ITGB1BP1: variants seen among roughly 807,000 people sequenced by gnomAD.
The protein encoded by ITGB1BP1 is integrin beta-1-binding protein 1.
A neutral mutation model predicts 28.0 loss-of-function variants in ITGB1BP1; 20 were observed. The ratio of observed to expected loss-of-function variants is 0.71; its 90% CI spans 0.50 to 1.04. ITGB1BP1 has a LOEUF of 1.04. ITGB1BP1 is among the 50% of genes least tolerant of loss of function. ITGB1BP1 has a pLI of 0.00. For missense variants in ITGB1BP1, 228 were observed against 242.5 expected (o/e 0.94, Z 0.40); for synonymous variants, 103 against 89.5 (o/e 1.15, Z -0.85).
At chr2:9,420,795 T>C (rs1371278935) in intron 1 of ITGB1BP1, among the ~76,000 whole-genome samples, 3 of 152,250 alleles carry the variant, frequency 2.0e-5, no homozygotes, top group Non-Finnish European at 1.5e-5. Flanking sequence ...TGTGATCTTC[T>C]GGAATGGAGG....
At chr2:9,422,879 C>T (rs1680066071) in intron 1 of ITGB1BP1, 17 of 985,852 alleles carry the variant, frequency 1.7e-5, no homozygotes, top group Non-Finnish European at 2.0e-5. Context: ...TGCCCAGGGT[C>T]ACCAGAGTAA....
At position 9,407,563 on chromosome 2, in the gene ITGB1BP1, G is replaced by T. The variant is rs1289996903; in HGVS notation, c.417C>A (p.Ile139=). The T allele has an allele frequency of 6.8e-6, 11 of 1,614,036 alleles. No homozygotes were observed. The highest frequency in any genetic ancestry group is 4.5e-5 in the East Asian group (2 of 44,896). Residue 139 remains isoleucine, a synonymous_variant, in exon 6 of 7, where the codon ATC becomes ATA. Transcript: ENST00000355346. The part of the protein sequence containing the change: ...VLHRHALYLI[I]RMVCYDDGLG... ...GACCGTCATCGTAACACACCATCCG[G>T]ATTATTAAGTAGAGAGCATGCCTGT...
chr2:9,407,398 GGGT>G, intron 6 of ITGB1BP1, 48 bp downstream of exon 6: 1 of 1,600,318 alleles, frequency 6.2e-7, no homozygotes, highest in Non-Finnish European at 8.6e-7. Flanking sequence ...AGTAGTCCCT[GGGT>G]GTTGCGACTT....
In ITGB1BP1 at chr2:9,414,172, A is replaced by T. The variant is rs1264224833; in HGVS notation, c.151+6T>A. 1 of 1,611,870 alleles carries T rather than the reference A, an allele frequency of 6.2e-7. No individual in the cohort carries two copies. On this transcript the variant is annotated splice_donor_region_variant and intron_variant, in intron 3 of 6. Coordinates refer to ENST00000355346, the MANE Select transcript of ITGB1BP1 (RefSeq NM_004763.5). ...AGACAATCAATGATCCAACCCTTTT[A>T]TGTACCTGAGCTTTTGGTGGAATCT...
chr2:9,407,099 G>A (rs1351565748), intron 6 of ITGB1BP1, 194 bp from the exon 7 acceptor site: 5 of 609,014 alleles, frequency 8.2e-6, no homozygotes, highest in African/African-American at 1.8e-5. Context: ...TCCTTCAGAG[G>A]AAAGCAAACA....
chr2:9,423,515 G>C lies in ITGB1BP1; in HGVS notation c.-178C>G. The stretch of plus-strand genomic sequence containing the variant: ...CTCCTGCCCACGTCCGCCGGGCCGC[G>C]CCTCCAAGACTATGCGCAGGCGCAG... On this transcript the variant is annotated 5_prime_UTR_variant, in exon 1 of 7. Coordinates refer to ENST00000355346, the MANE Select transcript of ITGB1BP1 (RefSeq NM_004763.5). The C allele has an allele frequency of 8.5e-7, 1 of 1,176,806 alleles. No individual in the cohort carries two copies. Among genetic ancestry groups the C allele is most frequent in the Non-Finnish European group, 1.1e-6 (1 of 917,806 alleles). 72.9% of individuals were successfully genotyped at this position (1,176,806 alleles called of 1,614,324 possible).
chr2:9,417,720 G>A (rs1339154511), intron 2 of ITGB1BP1, among the ~76,000 whole-genome samples: 1 of 152,116 alleles, frequency 6.6e-6, no homozygotes, highest in Admixed American at 6.5e-5. Flanking sequence ...TGCCCGGCCT[G>A]AAAATAAGAC....
intron 4 of ITGB1BP1, 161 bp from the exon 5 acceptor site, chr2:9,408,366 A>G: frequency 1.7e-6 from 1 of 591,656 alleles, no homozygotes. Context: ...AGGCAGAAGA[A>G]ACATTTCCCC....
chr2:9,408,517 T>C, intron 4 of ITGB1BP1: 1 of 239,540 alleles, frequency 4.2e-6, no homozygotes, highest in East Asian at 1.1e-4. Flanking sequence ...TTTTCGTATT[T>C]TTAGTACAGA....
chr2:9,412,138 T>A (rs555353763), intron 4 of ITGB1BP1, 131 bp downstream of exon 4: 3 of 716,984 alleles, frequency 4.2e-6, no homozygotes, highest in Non-Finnish European at 7.2e-6. Context: ...GCGGTGGTGA[T>A]GCGGGGACTT....
rs566133405 is a variant in ITGB1BP1 at position 9,416,927 on chromosome 2, C to T, written c.72+1699G>A. Among the ~76,000 whole-genome samples the T allele has an allele frequency of 3.9e-5, 6 of 152,208 alleles. No individual in the cohort carries two copies. In the East Asian group the frequency reaches 7.7e-4, roughly 20 times the overall value. On this transcript the variant is annotated intron_variant, in intron 2 of 6. Coordinates refer to ENST00000355346, the MANE Select transcript of ITGB1BP1 (RefSeq NM_004763.5). ...CGATAACTCTCTTTTCCTCATACTC[C>T]ACAAGCCATCATCATCGATCCATGG...
intron 4 of ITGB1BP1, among the ~76,000 whole-genome samples, chr2:9,410,010 AATTTTTTTGTATTT>A (rs1002842671): frequency 3.3e-5 from 5 of 151,702 alleles, no homozygotes; most frequent in Non-Finnish European, 7.4e-5. Flanking sequence ...ACACCCAACT[AATTTTTTTGTATTT>A]TTAGTAGAGA....
rs148262207 is a variant in ITGB1BP1 at position 9,412,290 on chromosome 2, T to G, written c.267A>C (p.Ile89=). 6.2e-7 allele frequency: 1 copy of G among 1,610,882 alleles called. No homozygotes were observed. Among genetic ancestry groups the G allele is most frequent in the Non-Finnish European group, 8.5e-7 (1 of 1,178,850 alleles). ...GKGLEGPLDL[I]NYIDVAQQDG... is the part of the protein sequence containing the mutation. ...TTACCTGGGCAACGTCTATATAATT[T>G]ATCAGGTCTAATGGCCCTTCAAGGC... is the stretch of plus-strand genomic sequence containing the variant. Residue 89 remains isoleucine, a synonymous_variant, in exon 4 of 7, where the codon ATA becomes ATC. Transcript: ENST00000355346.
intron 2 of ITGB1BP1, among the ~76,000 whole-genome samples, chr2:9,416,982 C>T (rs1369031017): frequency 6.6e-6 from 1 of 152,130 alleles, no homozygotes; most frequent in Non-Finnish European, 1.5e-5. Flanking sequence ...AAACTCTCTG[C>T]AGAACCTGAG....
intron 3 of ITGB1BP1, among the ~76,000 whole-genome samples, 186 bp downstream of exon 3, chr2:9,413,992 C>T (rs1678795580): frequency 6.6e-6 from 1 of 152,156 alleles, no homozygotes; most frequent in African/African-American, 2.4e-5. Context: ...TGTGGTTTCC[C>T]CCAATCACAC....
At position 9,407,601 on chromosome 2, in the gene ITGB1BP1, GCAGAAGT is replaced by G. The variant is rs1558420326; in HGVS notation, c.382-10_382-4del. On this transcript the variant is annotated splice_polypyrimidine_tract_variant and splice_region_variant and intron_variant, in intron 5 of 6. Transcript: ENST00000355346. ...AGAGCATGCCTGTGCAAAACATCCT[GCAGAAGT>G]CAGGAAAGATTCCGAGAGATCAGGA... The G allele has an allele frequency of 2.5e-6, 4 of 1,614,008 alleles. No individual in the cohort carries two copies. The East Asian group carries it at 8.9e-5, about 36-fold the overall frequency.
At chr2:9,422,653 C>T in intron 1 of ITGB1BP1, 4 of 985,578 alleles carry the variant, frequency 4.1e-6, no homozygotes, top group Non-Finnish European at 4.8e-6. Context: ...TCTGCATTGC[C>T]AGGGCGCCTG....
chr2:9,415,922 C>T lies in ITGB1BP1; in HGVS notation c.73-1666G>A, dbSNP rs1254437139. Reference sequence around the variant, plus strand: ...CACATGTGGCACATGGGAGGCCCGGCAGGCACCCGGGATGAAAGGTCTAGG... The same window carrying T: ...CACATGTGGCACATGGGAGGCCCGGTAGGCACCCGGGATGAAAGGTCTAGG... On this transcript the variant is annotated intron_variant, in intron 2 of 6. Transcript: ENST00000355346. This position sits in a 1 kb window ranked among gnomAD's most constrained non-coding sequence, Gnocchi z 4.1. Among the ~76,000 whole-genome samples the T allele has an allele frequency of 6.6e-6, 1 of 152,220 alleles. No homozygotes were observed. The highest frequency in any genetic ancestry group is 1.9e-4 in the East Asian group (1 of 5,190).
intron 5 of ITGB1BP1, 90 bp downstream of exon 5, chr2:9,408,023 C>T (rs1432818122): frequency 1.4e-6 from 1 of 731,050 alleles, no homozygotes; most frequent in African/African-American, 1.8e-5. Flanking sequence ...ACTCTGCAAA[C>T]AGGAGTGGCC....
Sources: allele counts gnomAD v4.1 joint callset (sites outside exome capture counted in the v4.1 genomes callset), GRCh38; gene constraint gnomAD v4.1.1; non-coding constraint Gnocchi (gnomAD v3.1); transcripts MANE v1.5; gene names NCBI Gene and HGNC (gene_info 2026-07-23, HGNC 2026-07-21).